REC8: variants seen among roughly 807,000 people sequenced by gnomAD.
The protein encoded by REC8 is REC8 meiotic recombination protein, also known as meiotic recombination protein REC8 homolog.
In REC8, 42 loss-of-function variants were observed where a neutral mutation model predicts 78.3. That is an observed-to-expected ratio of 0.54 (90% confidence interval 0.42 to 0.69). REC8 has a LOEUF of 0.69. Ranked by LOEUF, REC8 falls within the 30% of genes least tolerant of loss-of-function variation. The probability of loss-of-function intolerance (pLI) is 0.00; values close to 1 mark genes in which losing one functional copy is unlikely to be tolerated. For missense variants in REC8, 581 were observed against 715.8 expected (o/e 0.81, Z 2.15); for synonymous variants, 268 against 274.1 (o/e 0.98, Z 0.22).
In REC8 at chr14:24,172,870, AGCGGTAATCAGG is replaced by A; in HGVS notation, c.126-25_126-14del. On this transcript the variant is annotated splice_polypyrimidine_tract_variant and intron_variant, in intron 2 of 18. Transcript: ENST00000611366. ...AGACTGTGGGCCCACTCCTGGACGC[AGCGGTAATCAGG>A]GCGCATTGTTCCCCAGCGAGGAAAT... is the stretch of plus-strand genomic sequence containing the variant. The A allele has an allele frequency of 6.2e-7, 1 of 1,613,552 alleles. No homozygotes were observed.
In REC8 at chr14:24,177,403, G is replaced by C. The variant is rs772838792; in HGVS notation, c.737+20G>C. On this transcript the variant is annotated intron_variant, in intron 9 of 18. Transcript: ENST00000611366. ...TGCAGAGTAAGGGCAAGAACTCCTA[G>C]ACCAGGTAGGGTGTCAGTGCTGGGA... The C allele has an allele frequency of 3.1e-6, 5 of 1,614,130 alleles. 1 individual carries two copies. The East Asian group carries it at 1.1e-4, about 36-fold the overall frequency.
Position 24,177,451 on chromosome 14 carries a change from C to G in REC8, c.738-14C>G. On this transcript the variant is annotated splice_polypyrimidine_tract_variant and intron_variant, in intron 9 of 18. Transcript: ENST00000611366. ...GGAAGGGTCTCCTCATTTCTCTTGC[C>G]CATTTCCCCTCAGGGTGGAAGGAAT... The G allele has an allele frequency of 6.2e-7, 1 of 1,614,138 alleles. No homozygotes were observed. The highest frequency in any genetic ancestry group is 1.7e-5 in the Admixed American group (1 of 60,018).
chr14:24,180,398 C>G, downstream of REC8: 1 of 1,585,874 alleles, frequency 6.3e-7, no homozygotes, highest in Non-Finnish European at 8.6e-7. Flanking sequence ...GGTCTTAAGG[C>G]CTGGGCAGGC....
Position 24,179,390 on chromosome 14 carries a change from C to A in REC8, c.1253-7C>A. ...GACACCCACTAGCGCCTTTCCTCCCCCAACAGAGATCTCCCTAGAGGCAGC... is the reference window on the plus strand; with the variant it reads ...GACACCCACTAGCGCCTTTCCTCCCACAACAGAGATCTCCCTAGAGGCAGC... On this transcript the variant is annotated splice_region_variant and splice_polypyrimidine_tract_variant and intron_variant, in intron 15 of 18. Transcript: ENST00000611366. 3 of 1,613,974 alleles carry A rather than the reference C, an allele frequency of 1.9e-6. No individual in the cohort carries two copies. Among genetic ancestry groups the A allele is most frequent in the Non-Finnish European group, 2.5e-6 (3 of 1,180,020 alleles).
intron 12 of REC8, 57 bp from the exon 13 acceptor site, chr14:24,178,547 AGG>A: frequency 1.9e-6 from 3 of 1,556,794 alleles, no homozygotes; most frequent in Non-Finnish European, 2.6e-6. Context: ...AAAGAGGCAA[AGG>A]GGCCCTGAGG....
In REC8 at chr14:24,177,380, C is replaced by T. The variant is rs768220100; in HGVS notation, c.734C>T (p.Ala245Val). Residue 245 changes from alanine (A) to valine (V), a missense_variant, in exon 9 of 19, where the codon GCA becomes GTA. Transcript: ENST00000611366. The stretch of plus-strand genomic sequence containing the variant: ...CCGCGGCTCCCACCTCCAGCTCCTG[C>T]AGAGTAAGGGCAAGAACTCCTAGAC... ...EIPRLPPPAPAEVEGIGEALG... is the reference protein window; with the variant it reads ...EIPRLPPPAPVEVEGIGEALG... 6.8e-6 allele frequency: 11 copies of T among 1,614,184 alleles called. No homozygotes were observed. The South Asian group carries it at 8.8e-5, about 13-fold the overall frequency.
chr14:24,180,919 T>TGAA (rs1307301889), downstream of REC8, among the ~76,000 whole-genome samples: 1 of 152,100 alleles, frequency 6.6e-6, no homozygotes, highest in East Asian at 1.9e-4. Flanking sequence ...GAAGAACCAA[T>TGAA]GAAACTTGGT....
chr14:24,176,409 T>G (rs939639669), intron 6 of REC8, among the ~76,000 whole-genome samples: 4 of 149,136 alleles, frequency 2.7e-5, no homozygotes. Context: ...GGTATGATGA[T>G]CATAGGTCAC....
intron 6 of REC8, 130 bp from the exon 7 acceptor site, chr14:24,176,692 G>A: frequency 1.4e-6 from 1 of 705,352 alleles, no homozygotes; most frequent in South Asian, 1.6e-5. Flanking sequence ...GGGTCAGGAT[G>A]CCAGAGATTA....
intron 5 of REC8, 72 bp downstream of exon 5, chr14:24,173,483 A>G: frequency 6.3e-7 from 1 of 1,588,456 alleles, no homozygotes; most frequent in Non-Finnish European, 8.6e-7. Flanking sequence ...TCACTCTGAC[A>G]TTGGGGTTGG....
intron 11 of REC8, 107 bp downstream of exon 11, chr14:24,177,865 C>T: frequency 1.4e-6 from 2 of 1,473,796 alleles, no homozygotes; most frequent in Non-Finnish European, 1.8e-6. Context: ...GTCCTTAATG[C>T]AGATGATAAA....
At chr14:24,173,960 G>A (rs1485159015) in intron 5 of REC8, among the ~76,000 whole-genome samples, 3 of 150,894 alleles carry the variant, frequency 2.0e-5, no homozygotes, top group Non-Finnish European at 4.4e-5. Context: ...CTGCCTCCCC[G>A]GTTCAAGCAA....
chr14:24,178,268 T>A, intron 12 of REC8, 46 bp downstream of exon 12: 2 of 1,550,690 alleles, frequency 1.3e-6, no homozygotes, highest in Admixed American at 3.4e-5. Flanking sequence ...GAGGCAGGGA[T>A]GACCAGGGGC....
At chr14:24,175,048 C>A (rs928445388) in intron 5 of REC8, among the ~76,000 whole-genome samples, 16 of 151,054 alleles carry the variant, frequency 1.1e-4, no homozygotes, top group Non-Finnish European at 2.4e-4. Flanking sequence ...GCTCTGTCAC[C>A]CAGGCTGGAG....
rs369052850 is a variant in REC8, at chr14:24,175,295, C to A, written c.463-248C>A. 2.4e-3 allele frequency: 883 copies of A among 364,024 alleles called. 26 individuals carry two copies. The South Asian group carries it at 0.031, about 13-fold the overall frequency. 22.5% of individuals were successfully genotyped at this position (364,024 alleles called of 1,614,324 possible). A position where few individuals can be genotyped will look rare whatever the true frequency, so the allele number is the denominator to read the frequency against. On this transcript the variant is annotated intron_variant, in intron 5 of 18. Coordinates refer to ENST00000611366, the MANE Select transcript of REC8 (RefSeq NM_001048205.2). ...TGCTGGGATTACAGACATGAGCCAC[C>A]GAGCCCGGCCTTCTTGCACAAATTG... is the stretch of plus-strand genomic sequence containing the variant.
At chr14:24,175,859 T>A (rs1594414229) in intron 6 of REC8, among the ~76,000 whole-genome samples, 2 of 151,628 alleles carry the variant, frequency 1.3e-5, no homozygotes, top group East Asian at 3.9e-4. Context: ...TGCACTACCA[T>A]GCCCGGCGAA....
chr14:24,177,289 TGGGACTG>T (rs2038941372), intron 8 of REC8, 57 bp from the exon 9 acceptor site: 1 of 1,613,494 alleles, frequency 6.2e-7, no homozygotes, highest in African/African-American at 1.3e-5. Flanking sequence ...GTGGGCATTC[TGGGACTG>T]GGCAATGCTC....
In REC8 at chr14:24,177,527, G is replaced by A. The variant is rs375931847; in HGVS notation, c.800G>A (p.Gly267Glu). The A allele has an allele frequency of 1.5e-5, 24 of 1,613,646 alleles. No homozygotes were observed. In the African/African-American group the frequency reaches 2.7e-4, roughly 18 times the overall value. ...EELRLTGWEPGALLMEVTPPE... is the reference protein window; with the variant it reads ...EELRLTGWEPEALLMEVTPPE... ...CTGAGGCTGACAGGCTGGGAACCTGGGGCCCTACTCATGGGTGAGTGCCCA... is the reference window on the plus strand; with the variant it reads ...CTGAGGCTGACAGGCTGGGAACCTGAGGCCCTACTCATGGGTGAGTGCCCA... Residue 267 changes from glycine to glutamate, a missense_variant, in exon 10 of 19, where the codon GGG (glycine) becomes GAG (glutamate). Gly to Glu is a moderately conservative substitution (Grantham distance 98). Coordinates refer to ENST00000611366, the MANE Select transcript of REC8 (RefSeq NM_001048205.2).
chr14:24,178,742 C>G, intron 13 of REC8, 35 bp from the exon 14 acceptor site: 1 of 1,611,286 alleles, frequency 6.2e-7, no homozygotes, highest in Non-Finnish European at 8.5e-7. Context: ...CTCCTCACGC[C>G]TCAAACCCCG....
Sources: gnomAD v4.1 joint callset for allele counts (sites outside exome capture counted in the v4.1 genomes callset) on GRCh38, gnomAD v4.1.1 for gene constraint, MANE v1.5 for transcripts, NCBI Gene and HGNC (gene_info 2026-07-23, HGNC 2026-07-21) for gene names.